Variants in TENM2 observed in about 807,000 individuals in gnomAD.
TENM2 encodes teneurin transmembrane protein 2.
In TENM2, 52 loss-of-function variants were observed where a neutral mutation model predicts 245.2. That is an observed-to-expected ratio of 0.21 (90% confidence interval 0.17 to 0.27). TENM2 has a LOEUF of 0.27. TENM2 is among the 10% of genes least tolerant of loss of function. TENM2 has a pLI of 1.00. For synonymous variants in TENM2, 1,363 were observed against 1,438.9 expected, an observed-to-expected ratio of 0.95 and a Z score of 1.19; for missense variants, 3,046 against 3,666.8, an observed-to-expected ratio of 0.83 and a Z score of 4.37.
chr5:167,787,902 A>G (rs771757470), intron 2 of TENM2, among the ~76,000 whole-genome samples: 6 of 152,260 alleles, frequency 3.9e-5, no homozygotes, highest in Non-Finnish European at 7.3e-5. Flanking sequence ...AGCTGAGATC[A>G]TAGCATAGAT....
chr5:167,859,268 G>A (rs1771427367), intron 2 of TENM2, among the ~76,000 whole-genome samples: 1 of 90,762 alleles, frequency 1.1e-5, no homozygotes, highest in Admixed American at 1.0e-4. Context: ...GAGCCCCTCC[G>A]CCCGGCAGCT....
chr5:168,175,483 C>A (rs2152479214), intron 13 of TENM2, among the ~76,000 whole-genome samples: 1 of 152,298 alleles, frequency 6.6e-6, no homozygotes, highest in African/African-American at 2.4e-5. Context: ...CTGTCATGTT[C>A]CCTTTAGCCA....
intron 5 of TENM2, chr5:168,033,063 GA>G (rs1354753691): frequency 3.3e-5 from 5 of 152,134 alleles, no homozygotes; most frequent in Non-Finnish European, 7.3e-5. Context: ...TTAAAAAATA[GA>G]TTGCTATTTT....
chr5:167,860,255 C>A (rs1771639079), intron 2 of TENM2, among the ~76,000 whole-genome samples: 2 of 133,408 alleles, frequency 1.5e-5, no homozygotes, highest in Non-Finnish European at 3.4e-5. Context: ...GTCAGCCCCC[C>A]CGCCCGGCCA....
chr5:167,773,040 C>G (rs1290134281), intron 2 of TENM2, among the ~76,000 whole-genome samples: 1 of 152,152 alleles, frequency 6.6e-6, no homozygotes, highest in Non-Finnish European at 1.5e-5. Context: ...GATTTAAATT[C>G]TCACTGCTCA....
Position 167,398,377 on chromosome 5 carries a change from CCTTTCTTT to C in TENM2, c.502+22935_502+22942del, listed in dbSNP as rs33991275. Among the ~76,000 whole-genome samples the C allele has an allele frequency of 9.4e-3, 1,294 of 137,114 alleles. 14 individuals are homozygous for C. The highest frequency in any genetic ancestry group is 0.024 in the East Asian group (112 of 4,688). The allele number at this position is 137,114 out of a possible 152,430, so 90.0% of individuals were successfully genotyped here. On this transcript the variant is annotated intron_variant, in intron 2 of 28. Coordinates refer to ENST00000518659, the Ensembl canonical transcript of TENM2. ...TCTTTCTTTCTTTCCTTTCTTTCTT[CCTTTCTTT>C]CTTTCTTTCTTTCTTTCTTTCTTTC...
intron 2 of TENM2, among the ~76,000 whole-genome samples, chr5:167,776,317 C>A (rs942606175): frequency 2.6e-4 from 40 of 151,872 alleles, no homozygotes; most frequent in African/African-American, 8.4e-4. Flanking sequence ...GAAAAATAGG[C>A]CAGGCATGGT....
chr5:167,432,728 CTT>C (rs1216068526), intron 2 of TENM2, among the ~76,000 whole-genome samples: 2 of 151,948 alleles, frequency 1.3e-5, no homozygotes, highest in Non-Finnish European at 2.9e-5. Context: ...TTCCAGTTAA[CTT>C]TTAAATGCTA....
chr5:167,489,482 G>T (rs1331631609), intron 2 of TENM2, among the ~76,000 whole-genome samples: 1 of 152,142 alleles, frequency 6.6e-6, no homozygotes, highest in Non-Finnish European at 1.5e-5. Flanking sequence ...GAATCACTTT[G>T]TCAGGGAGTG....
chr5:167,933,159 A>C (rs1778418056), intron 3 of TENM2, among the ~76,000 whole-genome samples: 2 of 152,226 alleles, frequency 1.3e-5, no homozygotes, highest in Admixed American at 6.5e-5. Context: ...AAGTAAAGAA[A>C]TTAGTTTCAA....
At chr5:167,757,626 C>A (rs1345713112) in intron 2 of TENM2, among the ~76,000 whole-genome samples, 2 of 152,114 alleles carry the variant, frequency 1.3e-5, no homozygotes, top group South Asian at 4.2e-4. Context: ...ATTGCTGGGT[C>A]AAATAGTATT....
the TENM2 span, among the ~76,000 whole-genome samples, chr5:167,026,617 CA>C: frequency 1.3e-5 from 2 of 152,150 alleles, no homozygotes; most frequent in African/African-American, 2.4e-5. Context: ...TCCATCCCTA[CA>C]AAAAAACCTA....
At chr5:168,209,641 A>G (rs1762638385) in intron 19 of TENM2, among the ~76,000 whole-genome samples, 1 of 152,218 alleles carries the variant, frequency 6.6e-6, no homozygotes, top group South Asian at 2.1e-4. Flanking sequence ...GAAAAAAGAC[A>G]ACAGTCTCCA....
chr5:167,834,925 C>T (rs1768849422), intron 2 of TENM2, among the ~76,000 whole-genome samples: 1 of 152,202 alleles, frequency 6.6e-6, no homozygotes, highest in Non-Finnish European at 1.5e-5. Context: ...GCTGGGATTA[C>T]AGGCATGAGC....
At chr5:167,161,569 CTAAA>C in the TENM2 span, among the ~76,000 whole-genome samples, 1 of 152,134 alleles carries the variant, frequency 6.6e-6, no homozygotes, top group Non-Finnish European at 1.5e-5. Flanking sequence ...AAAATACAAA[CTAAA>C]TAAAGTTAAA....
intron 2 of TENM2, among the ~76,000 whole-genome samples, chr5:167,394,583 TTTAG>T (rs968754672): frequency 3.9e-5 from 6 of 152,160 alleles, no homozygotes; most frequent in Admixed American, 2.6e-4. Context: ...TATGTATTTA[TTTAG>T]TTAGTTAGTT....
At chr5:167,108,971 A>T in the TENM2 span, among the ~76,000 whole-genome samples, 3 of 152,216 alleles carry the variant, frequency 2.0e-5, no homozygotes, top group Non-Finnish European at 4.4e-5. Context: ...AGAATTACAG[A>T]GATTGTTCCA....
At chr5:167,955,981 T>C (rs1430066549) in intron 4 of TENM2, among the ~76,000 whole-genome samples, 2 of 152,190 alleles carry the variant, frequency 1.3e-5, no homozygotes, top group East Asian at 3.9e-4. Flanking sequence ...TATTAAATTT[T>C]AAGTAGTTTT....
At chr5:167,155,488 CT>C in the TENM2 span, among the ~76,000 whole-genome samples, 1 of 152,116 alleles carries the variant, frequency 6.6e-6, no homozygotes, top group Non-Finnish European at 1.5e-5. Flanking sequence ...CCCCTGAACC[CT>C]TTTTAGCAGG....
Sources: gnomAD v4.1 joint callset for allele counts (sites outside exome capture counted in the v4.1 genomes callset) on GRCh38, gnomAD v4.1.1 for gene constraint, MANE v1.5 for transcripts, NCBI Gene and HGNC (gene_info 2026-07-23, HGNC 2026-07-21) for gene names.